The following INPP5D variants were observed in gnomAD, a reference collection of about 807,000 sequenced individuals.
INPP5D encodes phosphatidylinositol 3,4,5-trisphosphate 5-phosphatase 1.
In INPP5D, 33 loss-of-function variants were observed where a neutral mutation model predicts 122.9. That is an observed-to-expected ratio of 0.27 (90% confidence interval 0.20 to 0.36). The LOEUF (loss-of-function observed/expected upper bound fraction) is 0.36. Among genes scored for constraint, INPP5D ranks in the 10% least tolerant of loss-of-function variants. The pLI is 1.00. For missense variants in INPP5D, 1,053 were observed against 1,412.7 expected (o/e 0.75, Z 4.08); for synonymous variants, 584 against 576.2 (o/e 1.01, Z -0.19).
chr2:233,129,138 C>T (rs965493089), intron 4 of INPP5D, among the ~76,000 whole-genome samples: 10 of 151,878 alleles, frequency 6.6e-5, no homozygotes, highest in African/African-American at 2.4e-4. Context: ...TGCACTCCAG[C>T]CCAGGTGACA....
intron 3 of INPP5D, among the ~76,000 whole-genome samples, chr2:233,124,839 G>A (rs1477414884): frequency 1.3e-5 from 2 of 152,222 alleles, no homozygotes; most frequent in African/African-American, 2.4e-5. Flanking sequence ...CCCAGTTGTC[G>A]GCTCGAACCA....
At chr2:233,102,675 C>A (rs563696009) in intron 2 of INPP5D, among the ~76,000 whole-genome samples, 1 of 151,806 alleles carries the variant, frequency 6.6e-6, no homozygotes, top group Non-Finnish European at 1.5e-5. Context: ...AGTGAAACCC[C>A]GTCTCTACTA....
chr2:233,131,823 G>A (rs1693336369), intron 5 of INPP5D, among the ~76,000 whole-genome samples: 1 of 152,196 alleles, frequency 6.6e-6, no homozygotes, highest in Non-Finnish European at 1.5e-5. Context: ...GCCGTTTCAA[G>A]ATTCCTTTGT....
chr2:233,065,560 C>A lies in INPP5D; in HGVS notation c.134+4948C>A, dbSNP rs201957181. Among the ~76,000 whole-genome samples the A allele has an allele frequency of 1.7e-3, 234 of 134,972 alleles. 23 individuals are homozygous for A. Among genetic ancestry groups the A allele is most frequent in the East Asian group, 0.014 (60 of 4,438 alleles). The allele number at this position is 134,972 out of a possible 152,430, so 88.5% of individuals were successfully genotyped here. On this transcript the variant is annotated intron_variant, in intron 1 of 26. Coordinates refer to ENST00000445964, the MANE Select transcript of INPP5D (RefSeq NM_001017915.3). ...TACAGGCATGAACCACTGCACCCAGCCTTTTTCTTTCTTTCTTTCCTTCTT... is the reference window on the plus strand; with the variant it reads ...TACAGGCATGAACCACTGCACCCAGACTTTTTCTTTCTTTCTTTCCTTCTT...
chr2:233,199,661 C>G (rs2106327145), intron 25 of INPP5D, among the ~76,000 whole-genome samples: 1 of 152,148 alleles, frequency 6.6e-6, no homozygotes, highest in South Asian at 2.1e-4. Context: ...AACCCCATCT[C>G]TACTAAAAAT....
intron 6 of INPP5D, chr2:233,140,945 A>G (rs1356902902): frequency 6.6e-6 from 1 of 152,274 alleles, no homozygotes; most frequent in Non-Finnish European, 1.5e-5. Flanking sequence ...TAGCCAGTAT[A>G]GATATGAAAA....
chr2:233,134,693 C>G lies in INPP5D; in HGVS notation c.665+4045C>G, dbSNP rs983853396. 3.9e-5 allele frequency among the ~76,000 whole-genome samples: 6 copies of G among 152,240 alleles called. No homozygotes were observed. In the East Asian group the frequency reaches 9.6e-4, roughly 24 times the overall value. On this transcript the variant is annotated intron_variant, in intron 5 of 26. Transcript: ENST00000445964. ...ACCAGAGACTGGAAATATTTGGTAA[C>G]TCCTGAAATGGAGACACGGAAAGGA... is the stretch of plus-strand genomic sequence containing the variant.
intron 2 of INPP5D, among the ~76,000 whole-genome samples, chr2:233,108,876 T>C (rs758439354): frequency 6.6e-6 from 1 of 152,202 alleles, no homozygotes; most frequent in South Asian, 2.1e-4. Flanking sequence ...TGCCAGGCAC[T>C]AAAGCTACCC....
intron 5 of INPP5D, 151 bp downstream of exon 5, chr2:233,130,799 G>C (rs542068410): frequency 8.1e-6 from 7 of 862,628 alleles, no homozygotes; most frequent in Non-Finnish European, 1.3e-5. Context: ...GGAAATCTCT[G>C]TGGTTGTTTG....
chr2:233,146,889 A>G (rs145542860), intron 8 of INPP5D, among the ~76,000 whole-genome samples: 15,861 of 152,042 alleles, frequency 0.1, 1,220 homozygotes, highest in East Asian at 0.31. Context: ...ATTCTAGTAT[A>G]TTCACCCCAG....
Position 233,207,044 on chromosome 2 carries a change from T to C in INPP5D, c.*336T>C, listed in dbSNP as rs1695527492. The C allele has an allele frequency of 4.0e-6, 1 of 249,900 alleles. No individual in the cohort carries two copies. The highest frequency in any genetic ancestry group is 7.8e-6 in the Non-Finnish European group (1 of 127,612). The allele number at this position is 249,900 out of a possible 1,614,324, so 15.5% of individuals were successfully genotyped here. A position where few individuals can be genotyped will look rare whatever the true frequency, so the allele number is the denominator to read the frequency against. On this transcript the variant is annotated 3_prime_UTR_variant, in exon 27 of 27. Coordinates refer to ENST00000445964, the MANE Select transcript of INPP5D (RefSeq NM_001017915.3). The surrounding 1 kb of genome is among the most constrained non-coding windows in gnomAD (Gnocchi z 4.6). ...GCCGATTTGAGGGTGGAGATATAGA[T>C]AATAATAATATTAATAATAATAATG...
intron 6 of INPP5D, among the ~76,000 whole-genome samples, chr2:233,144,693 G>A (rs1693711144): frequency 8.5e-6 from 1 of 118,022 alleles, no homozygotes; most frequent in African/African-American, 2.8e-5. Context: ...TGAGGGTGGA[G>A]GTGGTAGTAG....
intron 21 of INPP5D, among the ~76,000 whole-genome samples, chr2:233,187,920 C>T (rs538149767): frequency 1.3e-5 from 2 of 152,224 alleles, no homozygotes; most frequent in East Asian, 3.9e-4. Context: ...ACAACATGTT[C>T]ACCCCCTGGT....
At chr2:233,069,110 C>A (rs1473958505) in intron 1 of INPP5D, among the ~76,000 whole-genome samples, 1 of 152,230 alleles carries the variant, frequency 6.6e-6, no homozygotes, top group African/African-American at 2.4e-5. Flanking sequence ...GGACCAGATT[C>A]TCTCCCCTGC....
At chr2:233,104,045 C>T (rs1190947563) in intron 2 of INPP5D, among the ~76,000 whole-genome samples, 4 of 98,592 alleles carry the variant, frequency 4.1e-5, no homozygotes, top group Non-Finnish European at 5.8e-5. Context: ...TAGTCTTGCT[C>T]TGTCGCCCAG....
intron 22 of INPP5D, among the ~76,000 whole-genome samples, chr2:233,191,167 T>C (rs535104438): frequency 6.6e-6 from 1 of 152,270 alleles, no homozygotes; most frequent in Admixed American, 6.5e-5. Context: ...AAACTTACAA[T>C]CATGGCAGAA....
chr2:233,092,398 A>G (rs1004310151), intron 2 of INPP5D, among the ~76,000 whole-genome samples: 1 of 152,008 alleles, frequency 6.6e-6, no homozygotes, highest in African/African-American at 2.4e-5. Context: ...AATATCCCTC[A>G]TAGGCTCTGG....
intron 6 of INPP5D, among the ~76,000 whole-genome samples, chr2:233,145,699 G>A (rs1693740051): frequency 6.6e-6 from 1 of 151,962 alleles, no homozygotes; most frequent in African/African-American, 2.4e-5. Flanking sequence ...GGCGGGTGAG[G>A]TGGGGGGCTG....
At chr2:233,114,288 T>C (rs940888287) in intron 2 of INPP5D, among the ~76,000 whole-genome samples, 1 of 152,190 alleles carries the variant, frequency 6.6e-6, no homozygotes, top group African/African-American at 2.4e-5. Context: ...GACCTTTCTT[T>C]CTCCCCCACT....
Sources: allele counts gnomAD v4.1 joint callset (sites outside exome capture counted in the v4.1 genomes callset), GRCh38; gene constraint gnomAD v4.1.1; non-coding constraint Gnocchi (gnomAD v3.1); transcripts MANE v1.5; gene names NCBI Gene and HGNC (gene_info 2026-07-23, HGNC 2026-07-21).